ACCS: variants seen among roughly 807,000 people sequenced by gnomAD.
ACCS encodes the protein 1-aminocyclopropane-1-carboxylate synthase homolog (inactive).
A neutral mutation model predicts 59.8 loss-of-function variants in ACCS; 42 were observed. The observed-to-expected ratio is 0.70, with a 90% CI of 0.55 to 0.91. ACCS has a LOEUF of 0.91. Ranked by LOEUF, ACCS falls within the 40% of genes least tolerant of loss-of-function variation. The probability of loss-of-function intolerance (pLI) is 0.00; values close to 1 mark genes in which losing one functional copy is unlikely to be tolerated. For synonymous variants in ACCS, 230 were observed against 240.3 expected (o/e 0.96, Z 0.40); for missense variants, 602 against 630.4 (o/e 0.95, Z 0.48).
Position 44,067,876 on chromosome 11 carries a change from C to T in ACCS, c.249C>T (p.Thr83=). ...ATTCAGCTGAGGAGGGCTACAGGAC[C>T]TACCACATGGATGAGTATGATGAGG... ...FWDSAEEGYR[T]YHMDEYDEDK... The change falls in exon 2 of 15, where the codon ACC becomes ACT. Residue 83 remains threonine (T), a synonymous_variant. Transcript: ENST00000263776. 1.2e-6 allele frequency: 2 copies of T among 1,612,878 alleles called. No individual in the cohort carries two copies. Among genetic ancestry groups the T allele is most frequent in the Non-Finnish European group, 1.7e-6 (2 of 1,179,364 alleles).
chr11:44,066,654 C>G lies in ACCS; in HGVS notation c.-48C>G, dbSNP rs1952808469. 6.6e-6 allele frequency: 1 copy of G among 152,410 alleles called. No homozygotes were observed. Among genetic ancestry groups the G allele is most frequent in the Non-Finnish European group, 1.5e-5 (1 of 68,190 alleles). The allele number at this position is 152,410 out of a possible 1,614,324, so 9.4% of individuals were successfully genotyped here. A position where few individuals can be genotyped will look rare whatever the true frequency, so the allele number is the denominator to read the frequency against. ...GGCTTTACTCCCACCCCGGCTTCCG[C>G]CCACTGTGCTGCCCTTCCTCGGACC... On this transcript the variant is annotated 5_prime_UTR_variant, in exon 1 of 15. Coordinates refer to ENST00000263776, the MANE Select transcript of ACCS (RefSeq NM_032592.4).
At position 44,083,414 on chromosome 11, in the gene ACCS, A is replaced by G. The variant is rs1378370174; in HGVS notation, c.1255-10A>G. On this transcript the variant is annotated splice_polypyrimidine_tract_variant and intron_variant, in intron 13 of 14. Transcript: ENST00000263776. Reference sequence around the variant, plus strand: ...CTCAGCTATGTCCTGAGCCCCTTCCACCCTCTCAGTACCTGCCCAAGGGCA... The same window carrying G: ...CTCAGCTATGTCCTGAGCCCCTTCCGCCCTCTCAGTACCTGCCCAAGGGCA... The G allele has an allele frequency of 6.2e-7, 1 of 1,613,948 alleles. No homozygotes were observed. The highest frequency in any genetic ancestry group is 1.1e-5 in the South Asian group (1 of 91,076).
rs975153475 is a variant in ACCS at position 44,078,978 on chromosome 11, A to G, written c.833+194A>G. On this transcript the variant is annotated intron_variant, in intron 9 of 14. Transcript: ENST00000263776. ...TCTTTATCTTTCACTCTTTATAACA[A>G]TAGCTATCAATTAGCGCACACTCTA... 9 of 579,010 alleles carry G rather than the reference A, an allele frequency of 1.6e-5. No homozygotes were observed. In the African/African-American group the frequency reaches 1.7e-4, roughly 11 times the overall value. The allele number at this position is 579,010 out of a possible 1,614,324, so 35.9% of individuals were successfully genotyped here.
intron 7 of ACCS, chr11:44,077,643 A>G: frequency 7.0e-7 from 1 of 1,436,784 alleles, no homozygotes; most frequent in Non-Finnish European, 9.1e-7. Flanking sequence ...CCTAAGCATG[A>G]CACCCAAGAG....
intron 3 of ACCS, 182 bp downstream of exon 3, chr11:44,071,497 C>T: frequency 5.0e-6 from 3 of 605,252 alleles, no homozygotes; most frequent in Non-Finnish European, 5.8e-6. Context: ...TTCTTCCCCA[C>T]TGTAGTCCTA....
At chr11:44,071,949 A>G (rs1252076327) in intron 3 of ACCS, among the ~76,000 whole-genome samples, 1 of 152,146 alleles carries the variant, frequency 6.6e-6, no homozygotes, top group Non-Finnish European at 1.5e-5. Context: ...AGCTTGCAAC[A>G]TTTCTGAAAA....
At position 44,083,026 on chromosome 11, in the gene ACCS, C is replaced by G. The variant is rs1953709113; in HGVS notation, c.1112-143C>G. 3.6e-6 allele frequency: 4 copies of G among 1,124,378 alleles called. No homozygotes were observed. In the South Asian group the frequency reaches 5.8e-5, roughly 16 times the overall value. 69.7% of individuals were successfully genotyped at this position (1,124,378 alleles called of 1,614,324 possible). ...CCTTCTTGACCTCCCCTTCGTAATCCTTCCCACCACAGCAGCCAGCTAGAG... is the reference window on the plus strand; with the variant it reads ...CCTTCTTGACCTCCCCTTCGTAATCGTTCCCACCACAGCAGCCAGCTAGAG... On this transcript the variant is annotated intron_variant, in intron 12 of 14. Coordinates refer to ENST00000263776, the MANE Select transcript of ACCS (RefSeq NM_032592.4).
intron 10 of ACCS, 44 bp downstream of exon 10, chr11:44,079,664 C>T: frequency 1.3e-6 from 2 of 1,550,218 alleles, no homozygotes; most frequent in Non-Finnish European, 1.8e-6. Context: ...CCCTATTATC[C>T]CACGGAGCCC....
Position 44,077,913 on chromosome 11 carries a change from T to G in ACCS, c.723T>G (p.Ala241=). 6.2e-7 allele frequency: 1 copy of G among 1,613,876 alleles called. No homozygotes were observed. The highest frequency in any genetic ancestry group is 8.5e-7 in the Non-Finnish European group (1 of 1,179,902). ...VEKLEMALRE[A]HSEGVKVKGL... is the part of the protein sequence containing the mutation. Reference sequence around the variant, plus strand: ...AGCTGGAGATGGCCCTGAGAGAAGCTCACTCTGAGGTCTGGGGATCAAATC... The same window carrying G: ...AGCTGGAGATGGCCCTGAGAGAAGCGCACTCTGAGGTCTGGGGATCAAATC... Residue 241 remains alanine (A), a synonymous_variant, in exon 8 of 15, where the codon GCT becomes GCG. Coordinates refer to ENST00000263776, the MANE Select transcript of ACCS (RefSeq NM_032592.4).
Position 44,084,023 on chromosome 11 carries a change from A to T in ACCS, c.*231A>T. ...ATTAAACAAAACTAGGAGAGTCCAT[A>T]TGTCTCCATTGTGAGTTATTTAGAA... On this transcript the variant is annotated 3_prime_UTR_variant, in exon 15 of 15. Coordinates refer to ENST00000263776, the MANE Select transcript of ACCS (RefSeq NM_032592.4). 1 of 801,172 alleles carries T rather than the reference A, an allele frequency of 1.2e-6. No homozygotes were observed. Among genetic ancestry groups the T allele is most frequent in the East Asian group, 3.1e-5 (1 of 32,090 alleles). 49.6% of individuals were successfully genotyped at this position (801,172 alleles called of 1,614,324 possible). A position where few individuals can be genotyped will look rare whatever the true frequency, so the allele number is the denominator to read the frequency against.
At chr11:44,077,231 G>T in intron 6 of ACCS, 48 bp from the exon 7 acceptor site, 1 of 1,591,870 alleles carries the variant, frequency 6.3e-7, no homozygotes, top group Non-Finnish European at 8.6e-7. Context: ...GAGGGTCTGG[G>T]GTGTTCTGGC....
Position 44,083,696 on chromosome 11 carries a change from G to T in ACCS, c.1410G>T (p.Gly470=), listed in dbSNP as rs1342953547. 1.2e-6 allele frequency: 2 copies of T among 1,614,128 alleles called. No individual in the cohort carries two copies. Among genetic ancestry groups the T allele is most frequent in the South Asian group, 2.2e-5 (2 of 91,078 alleles). The change falls in exon 15 of 15, where the codon GGG becomes GGT. Residue 470 remains glycine (G), a splice_region_variant and synonymous_variant. Coordinates refer to ENST00000263776, the MANE Select transcript of ACCS (RefSeq NM_032592.4). The stretch of plus-strand genomic sequence containing the variant: ...TGGCCCCTCACTTCCCCTTCCCAGG[G>T]ATGCAGAGGGTCCAGCAGGTGCTTG... The part of the protein sequence containing the change: ...FSDQVHRLCL[G]MQRVQQVLAG...
chr11:44,073,812 T>C (rs1953179932), intron 4 of ACCS, among the ~76,000 whole-genome samples: 1 of 152,218 alleles, frequency 6.6e-6, no homozygotes, highest in Non-Finnish European at 1.5e-5. Context: ...TCTGGGAACC[T>C]GGGTTTAAAG....
Position 44,067,714 on chromosome 11 carries a change from G to T in ACCS, c.87G>T (p.Gly29=), listed in dbSNP as rs752940426. Residue 29 remains glycine (G), a synonymous_variant, in exon 2 of 15, where the codon GGG becomes GGT. Transcript: ENST00000263776. ...TGCAGGACCTGGGCAGTAGCCATGG[G>T]GAAGATCTGGAAGGAGAATGCTCCA... ...TCMQDLGSSH[G]EDLEGECSRK... is the part of the protein sequence containing the mutation. 1.4e-5 allele frequency: 22 copies of T among 1,614,084 alleles called. No individual in the cohort carries two copies. In the South Asian group the frequency reaches 2.3e-4, roughly 17 times the overall value.
In ACCS at chr11:44,078,725, C is replaced by T. The variant is rs1171855506; in HGVS notation, c.774C>T (p.Asn258=). 4 of 1,614,002 alleles carry T rather than the reference C, an allele frequency of 2.5e-6. No homozygotes were observed. Among genetic ancestry groups the T allele is most frequent in the South Asian group, 1.1e-5 (1 of 91,082 alleles). The change falls in exon 9 of 15, where the codon AAC becomes AAT. Residue 258 remains asparagine, a synonymous_variant. Coordinates refer to ENST00000263776, the MANE Select transcript of ACCS (RefSeq NM_032592.4). ...VKGLILISPQ[N]PLGDVYSPEE... is the part of the protein sequence containing the mutation. Reference sequence around the variant, plus strand: ...GCCTCATCCTCATCAGCCCCCAGAACCCTCTGGGTGATGTATACTCCCCTG... The same window carrying T: ...GCCTCATCCTCATCAGCCCCCAGAATCCTCTGGGTGATGTATACTCCCCTG...
chr11:44,076,209 G>A (rs1353352338), intron 6 of ACCS, among the ~76,000 whole-genome samples: 1 of 152,216 alleles, frequency 6.6e-6, no homozygotes, highest in East Asian at 1.9e-4. Context: ...GCAAGAGCCT[G>A]TTGTTTTAAG....
intron 7 of ACCS, 34 bp downstream of exon 7, chr11:44,077,410 C>T (rs776398054): frequency 2.6e-5 from 42 of 1,612,252 alleles, no homozygotes; most frequent in Non-Finnish European, 3.4e-5. Context: ...GGAACCTGGG[C>T]CTGCCTGTGG....
intron 2 of ACCS, among the ~76,000 whole-genome samples, chr11:44,070,756 A>G (rs1382043882): frequency 2.6e-5 from 4 of 152,256 alleles, no homozygotes; most frequent in East Asian, 3.9e-4. Flanking sequence ...CTTGATCTAC[A>G]TCTACCTTTG....
rs201202479 is a variant in ACCS at position 44,083,202 on chromosome 11, A to G, written c.1145A>G (p.His382Arg). The G allele has an allele frequency of 1.2e-5, 19 of 1,614,166 alleles. No homozygotes were observed. The East Asian group carries it at 3.6e-4, about 30-fold the overall frequency. Residue 382 changes from histidine to arginine, a missense_variant, in exon 13 of 15, where the codon CAT becomes CGT. His to Arg is a conservative substitution (Grantham distance 29). Transcript: ENST00000263776. The stretch of plus-strand genomic sequence containing the variant: ...AACCAGGTGTACCTGCCGGAAAACC[A>G]TGCCCGGCTCAAGGCTGCCCACACC... Reference protein sequence around the residue: ...WINQVYLPENHARLKAAHTYV... With the variant: ...WINQVYLPENRARLKAAHTYV...
Sources: gnomAD v4.1 joint callset for allele counts (sites outside exome capture counted in the v4.1 genomes callset) on GRCh38, gnomAD v4.1.1 for gene constraint, MANE v1.5 for transcripts, NCBI Gene and HGNC (gene_info 2026-07-23, HGNC 2026-07-21) for gene names.